Variants in MXD1 observed in about 807,000 individuals in gnomAD.
The protein encoded by MXD1 is MAX dimerization protein 1.
Under a neutral mutation model 25.7 loss-of-function variants are expected in MXD1, and 9 were observed. That is an observed-to-expected ratio of 0.35 (90% CI 0.21 to 0.61). MXD1 has a LOEUF of 0.61. Among genes scored for constraint, MXD1 ranks in the 20% least tolerant of loss-of-function variants. MXD1 has a pLI of 0.75. For missense variants in MXD1, 227 were observed against 292.4 expected (o/e 0.78, Z 1.63); for synonymous variants, 99 against 113.9 (o/e 0.87, Z 0.83).
rs1005353374 is a variant in MXD1, at chr2:69,931,908, G to A, written c.204-3443G>A. Among the ~76,000 whole-genome samples the A allele has an allele frequency of 4.3e-4, 65 of 151,988 alleles. 1 individual carries two copies. Among genetic ancestry groups the A allele is most frequent in the South Asian group, 2.1e-4 (1 of 4,818 alleles). Reference sequence around the variant, plus strand: ...ATCAGTGCTAAAGGAAGAGGCAGCCGGGTGCCAGGAAGATGGGAGGTAGCT... The same window carrying A: ...ATCAGTGCTAAAGGAAGAGGCAGCCAGGTGCCAGGAAGATGGGAGGTAGCT... On this transcript the variant is annotated intron_variant, in intron 3 of 5. Transcript: ENST00000264444.
chr2:69,934,633 A>G (rs1349358746), intron 3 of MXD1, among the ~76,000 whole-genome samples: 6 of 152,238 alleles, frequency 3.9e-5, no homozygotes, highest in Non-Finnish European at 8.8e-5. Context: ...TTGTCTACAT[A>G]CAAGAAAACA....
chr2:69,919,148 T>G (rs1039916497), intron 2 of MXD1, among the ~76,000 whole-genome samples: 1 of 152,348 alleles, frequency 6.6e-6, no homozygotes, highest in East Asian at 1.9e-4. Flanking sequence ...TGCATAAGTA[T>G]ATAACTCTAT....
Position 69,940,817 on chromosome 2 carries a change from CTG to C in MXD1, c.*2535_*2536del, listed in dbSNP as rs1303698313. 6.6e-6 allele frequency: 1 copy of C among 152,648 alleles called. No individual in the cohort carries two copies. Among genetic ancestry groups the C allele is most frequent in the Non-Finnish European group, 1.5e-5 (1 of 68,050 alleles). The allele number at this position is 152,648 out of a possible 1,614,324, so 9.5% of individuals were successfully genotyped here. On this transcript the variant is annotated 3_prime_UTR_variant, in exon 6 of 6. Coordinates refer to ENST00000264444, the MANE Select transcript of MXD1 (RefSeq NM_002357.4). ...GACAGGCTTCTCTCTCTAACCAAAA[CTG>C]TAATCTTCAGGACCAGCAAACTCAG...
chr2:69,933,406 C>T (rs1012655353), intron 3 of MXD1, among the ~76,000 whole-genome samples: 5 of 152,054 alleles, frequency 3.3e-5, no homozygotes, highest in Admixed American at 3.3e-4. Context: ...TTCCCTGGTC[C>T]CCACCACATG....
rs551296094 is a variant in MXD1 at position 69,918,890 on chromosome 2, G to T, written c.173+2670G>T. On this transcript the variant is annotated intron_variant, in intron 2 of 5. Coordinates refer to ENST00000264444, the MANE Select transcript of MXD1 (RefSeq NM_002357.4). ...AAATGTTTACCCATCAATGGAGGTG[G>T]CTGGCAGTCTCGGAACTGATCATTT... Among the ~76,000 whole-genome samples the T allele has an allele frequency of 1.1e-4, 16 of 152,234 alleles. 1 individual carries two copies. The highest frequency in any genetic ancestry group is 2.0e-4 in the Admixed American group (3 of 15,296).
chr2:69,916,112 GT>G lies in MXD1; in HGVS notation c.74-5del, dbSNP rs1558566608. On this transcript the variant is annotated splice_polypyrimidine_tract_variant and splice_region_variant and intron_variant, in intron 1 of 5. Transcript: ENST00000264444. ...GCCCATTCATTAACTGGATCCTCCT[GT>G]TTTCTAGAAGCTGAACATGGTTATG... is the stretch of plus-strand genomic sequence containing the variant. 6.3e-7 allele frequency: 1 copy of G among 1,579,714 alleles called. No homozygotes were observed. The highest frequency in any genetic ancestry group is 8.7e-7 in the Non-Finnish European group (1 of 1,148,872).
In MXD1 at chr2:69,935,378, G is replaced by C. The variant is rs1677402276; in HGVS notation, c.231G>C (p.Glu77Asp). 1 of 1,614,002 alleles carries C rather than the reference G, an allele frequency of 6.2e-7. No homozygotes were observed. The highest frequency in any genetic ancestry group is 1.1e-5 in the South Asian group (1 of 91,088). ...GGGCTCATCTTCGCTTGTGCCTGGA[G>C]AAGTTGAAGGGGCTGGTGCCACTTG... The part of the protein sequence containing the change: ...NRRAHLRLCL[E>D]KLKGLVPLGP... The change falls in exon 4 of 6, where the codon GAG (glutamate) becomes GAC (aspartate). Residue 77 changes from glutamate to aspartate, a missense_variant. Physicochemically the swap from Glu to Asp is conservative, Grantham distance 45 (BLOSUM62 2). Transcript: ENST00000264444.
chr2:69,923,080 CAAA>C (rs1177186038), intron 3 of MXD1, among the ~76,000 whole-genome samples: 10 of 141,654 alleles, frequency 7.1e-5, no homozygotes, highest in African/African-American at 2.5e-4. Flanking sequence ...AAAACAACAA[CAAA>C]AAAAAAACCA....
At chr2:69,928,015 G>A (rs1380100814) in intron 3 of MXD1, among the ~76,000 whole-genome samples, 1 of 151,650 alleles carries the variant, frequency 6.6e-6, no homozygotes, top group East Asian at 1.9e-4. Context: ...GTTTAACCCA[G>A]TAGGGCTTTG....
intron 5 of MXD1, 121 bp from the exon 6 acceptor site, chr2:69,937,976 A>C: frequency 1.1e-6 from 1 of 876,508 alleles, no homozygotes; most frequent in South Asian, 1.7e-5. Context: ...CAAACTCCTA[A>C]CCTCAAGTGA....
At chr2:69,916,669 T>C (rs1168634491) in intron 2 of MXD1, among the ~76,000 whole-genome samples, 2 of 152,242 alleles carry the variant, frequency 1.3e-5, no homozygotes, top group Non-Finnish European at 2.9e-5. Context: ...TGATAGGATC[T>C]CATACTTGAC....
rs1320318681 is a variant in MXD1 at position 69,939,486 on chromosome 2, A to G, written c.*1202A>G. ...TTAAGCTAAAACAGAGCACATGTAT[A>G]TGTACATAAGACACATTAAATCTAT... On this transcript the variant is annotated 3_prime_UTR_variant, in exon 6 of 6. Coordinates refer to ENST00000264444, the MANE Select transcript of MXD1 (RefSeq NM_002357.4). The G allele has an allele frequency of 6.5e-6, 1 of 152,680 alleles. No individual in the cohort carries two copies. Among genetic ancestry groups the G allele is most frequent in the Non-Finnish European group, 1.5e-5 (1 of 68,044 alleles). 9.5% of individuals were successfully genotyped at this position (152,680 alleles called of 1,614,324 possible).
intron 3 of MXD1, among the ~76,000 whole-genome samples, chr2:69,923,552 G>A (rs993470065): frequency 1.3e-5 from 2 of 151,032 alleles, no homozygotes; most frequent in Non-Finnish European, 2.9e-5. Context: ...TGGGAAGAGG[G>A]CGGTTAGCTT....
At chr2:69,921,374 T>C (rs1677061056) in intron 2 of MXD1, among the ~76,000 whole-genome samples, 1 of 152,216 alleles carries the variant, frequency 6.6e-6, no homozygotes, top group African/African-American at 2.4e-5. Context: ...CTACCTCCCC[T>C]GTTCTACCCT....
chr2:69,937,269 A>T lies in MXD1; in HGVS notation c.353A>T (p.Gln118Leu). ...LEDCDRKAVHQIDQLQREQRH... is the reference protein window; with the variant it reads ...LEDCDRKAVHLIDQLQREQRH... The stretch of plus-strand genomic sequence containing the variant: ...GATTGTGACAGAAAAGCCGTTCACC[A>T]AATCGACCAGCTTCAGCGAGAGCAG... Residue 118 changes from glutamine (Q) to leucine (L), a missense_variant, in exon 5 of 6, where the codon CAA becomes CTA. Physicochemically the swap from Gln to Leu is moderately radical, Grantham distance 113. Transcript: ENST00000264444. The T allele has an allele frequency of 6.2e-7, 1 of 1,614,184 alleles. No individual in the cohort carries two copies. The highest frequency in any genetic ancestry group is 1.3e-5 in the African/African-American group (1 of 75,072).
In MXD1 at chr2:69,938,222, T is replaced by A. The variant is rs748444588; in HGVS notation, c.604T>A (p.Ser202Thr). ...GAGCCTCGGCAGTGATGAGGGCTATTCCAGCACCAGCATCAAGAGAATAAA... is the reference window on the plus strand; with the variant it reads ...GAGCCTCGGCAGTGATGAGGGCTATACCAGCACCAGCATCAAGAGAATAAA... ...MQSLGSDEGY[S>T]STSIKRIKLQ... The change falls in exon 6 of 6, where the codon TCC becomes ACC. Residue 202 changes from serine (S) to threonine (T), a missense_variant. Ser to Thr is a moderately conservative substitution (Grantham distance 58). Coordinates refer to ENST00000264444, the MANE Select transcript of MXD1 (RefSeq NM_002357.4). The A allele has an allele frequency of 6.2e-6, 10 of 1,614,042 alleles. No individual in the cohort carries two copies. The Admixed American group carries it at 1.7e-4, about 27-fold the overall frequency.
At chr2:69,922,286 G>A (rs1257008518) in intron 3 of MXD1, among the ~76,000 whole-genome samples, 1 of 152,154 alleles carries the variant, frequency 6.6e-6, no homozygotes, top group Non-Finnish European at 1.5e-5. Flanking sequence ...GAGGAGGACT[G>A]CCACCCTCAC....
intron 3 of MXD1, among the ~76,000 whole-genome samples, chr2:69,924,935 G>A (rs2104176043): frequency 6.6e-6 from 1 of 152,326 alleles, no homozygotes. Flanking sequence ...GGACTCCACT[G>A]TAAGGATATT....
chr2:69,933,223 AAC>A (rs1180419936), intron 3 of MXD1, among the ~76,000 whole-genome samples: 11 of 141,840 alleles, frequency 7.8e-5, no homozygotes, highest in Admixed American at 1.4e-4. Context: ...AAAAAAAAAA[AAC>A]AAAAAAAGAA....
Sources: gnomAD v4.1 joint callset for allele counts (sites outside exome capture counted in the v4.1 genomes callset) on GRCh38, gnomAD v4.1.1 for gene constraint, MANE v1.5 for transcripts, NCBI Gene and HGNC (gene_info 2026-07-23, HGNC 2026-07-21) for gene names.